ZSCAN2: variants seen among roughly 807,000 people sequenced by gnomAD.
ZSCAN2 encodes the protein zinc finger and SCAN domain containing 2.
A neutral mutation model predicts 47.8 loss-of-function variants in ZSCAN2; 26 were observed. The observed-to-expected ratio is 0.54, with a 90% confidence interval of 0.40 to 0.75. ZSCAN2 has a LOEUF of 0.75. Ranked by LOEUF, ZSCAN2 falls within the 30% of genes least tolerant of loss-of-function variation. The pLI, the probability that ZSCAN2 is intolerant of heterozygous loss-of-function variation, is 0.00. For missense variants in ZSCAN2, 732 were observed against 785.4 expected (o/e 0.93, Z 0.81); for synonymous variants, 305 against 288.7 (o/e 1.06, Z -0.57).
chr15:84,622,732 C>A lies in ZSCAN2; in HGVS notation c.*692C>A, dbSNP rs1164849547. 8.4e-6 allele frequency: 6 copies of A among 715,320 alleles called. No individual in the cohort carries two copies. Among genetic ancestry groups the A allele is most frequent in the Non-Finnish European group, 1.6e-5 (6 of 384,364 alleles). The allele number at this position is 715,320 out of a possible 1,614,324, so 44.3% of individuals were successfully genotyped here. A position where few individuals can be genotyped will look rare whatever the true frequency, so the allele number is the denominator to read the frequency against. ...TTCCATTGGTAAGAGTTGGACAGGG[C>A]CTTCAGGAAAGGGGTAAACCGAGGA... On this transcript the variant is annotated 3_prime_UTR_variant, in exon 3 of 3. Transcript: ENST00000546148.
Position 84,622,155 on chromosome 15 carries a change from G to C in ZSCAN2, c.*115G>C. The C allele has an allele frequency of 2.1e-6, 2 of 969,098 alleles. No individual in the cohort carries two copies. Among genetic ancestry groups the C allele is most frequent in the Non-Finnish European group, 3.1e-6 (2 of 640,942 alleles). 60.0% of individuals were successfully genotyped at this position (969,098 alleles called of 1,614,324 possible). On this transcript the variant is annotated 3_prime_UTR_variant, in exon 3 of 3. Coordinates refer to ENST00000546148, the MANE Select transcript of ZSCAN2 (RefSeq NM_181877.4). The stretch of plus-strand genomic sequence containing the variant: ...CTAAACATTCTGGGGGGTTTTGCCA[G>C]AGTCTTCCCCTTGCTCATCCTCATT...
Position 84,621,317 on chromosome 15 carries a change from C to T in ZSCAN2, c.1122C>T (p.Asn374=). The T allele has an allele frequency of 6.2e-7, 1 of 1,613,736 alleles. No individual in the cohort carries two copies. The highest frequency in any genetic ancestry group is 8.5e-7 in the Non-Finnish European group (1 of 1,179,952). Residue 374 remains asparagine (N), a synonymous_variant, in exon 3 of 3, where the codon AAC becomes AAT. Transcript: ENST00000546148. This position sits in a 1 kb window ranked among gnomAD's most constrained non-coding sequence, Gnocchi z 5.7. ...AATGCGGCGAAAGCTTTAGTTACAA[C>T]TCCAATCTAATCAGACACCAGAGAA... ...CKECGESFSY[N]SNLIRHQRIH... is the part of the protein sequence containing the mutation.
At chr15:84,610,727 T>C (rs1353645602) in intron 2 of ZSCAN2, among the ~76,000 whole-genome samples, 2 of 152,040 alleles carry the variant, frequency 1.3e-5, no homozygotes, top group Admixed American at 1.3e-4. Context: ...ACTCAGGCAA[T>C]TCGCCCGCCT....
Position 84,622,341 on chromosome 15 carries a change from G to A in ZSCAN2, c.*301G>A, listed in dbSNP as rs963472984. Reference sequence around the variant, plus strand: ...CCTCTGTGCCTCAGTTTCCTCTTTGGTAAAATGGGGGGAAATGTTTCTCCA... The same window carrying A: ...CCTCTGTGCCTCAGTTTCCTCTTTGATAAAATGGGGGGAAATGTTTCTCCA... On this transcript the variant is annotated 3_prime_UTR_variant, in exon 3 of 3. Coordinates refer to ENST00000546148, the MANE Select transcript of ZSCAN2 (RefSeq NM_181877.4). 1 of 573,316 alleles carries A rather than the reference G, an allele frequency of 1.7e-6. No individual in the cohort carries two copies. The highest frequency in any genetic ancestry group is 3.2e-6 in the Non-Finnish European group (1 of 317,290). 35.5% of individuals were successfully genotyped at this position (573,316 alleles called of 1,614,324 possible).
At chr15:84,608,300 C>T (rs1054278648) in intron 2 of ZSCAN2, among the ~76,000 whole-genome samples, 8 of 151,842 alleles carry the variant, frequency 5.3e-5, no homozygotes, top group Admixed American at 3.9e-4. Context: ...GAGGCCGAGG[C>T]GGGTGGATCA....
rs538463509 is a variant in ZSCAN2 at position 84,606,680 on chromosome 15, C to T, written c.406+2347C>T. On this transcript the variant is annotated intron_variant, in intron 2 of 2. Coordinates refer to ENST00000546148, the MANE Select transcript of ZSCAN2 (RefSeq NM_181877.4). ...GTTGGGGAGGCACAGAGCAGAGGTTCAGGTCTCAGCAGGTGTCAGAGGTGA... is the reference window on the plus strand; with the variant it reads ...GTTGGGGAGGCACAGAGCAGAGGTTTAGGTCTCAGCAGGTGTCAGAGGTGA... The T allele has an allele frequency of 1.3e-6, 2 of 1,547,876 alleles. 1 individual carries two copies. Among genetic ancestry groups the T allele is most frequent in the South Asian group, 2.4e-5 (2 of 81,860 alleles).
chr15:84,613,678 CTTTT>C (rs59871656), intron 2 of ZSCAN2, among the ~76,000 whole-genome samples: 7 of 146,690 alleles, frequency 4.8e-5, no homozygotes, highest in Admixed American at 6.8e-5. Context: ...AGTAATCTTT[CTTTT>C]TTTTTTTTTT....
intron 2 of ZSCAN2, among the ~76,000 whole-genome samples, chr15:84,620,352 A>G (rs1376620939): frequency 6.6e-6 from 1 of 152,092 alleles, no homozygotes; most frequent in East Asian, 1.9e-4. Context: ...ATTGATGGGC[A>G]TTTGGGTTGA....
Position 84,603,895 on chromosome 15 carries a change from C to A in ZSCAN2, c.-33C>A. 6.3e-7 allele frequency: 1 copy of A among 1,588,626 alleles called. No homozygotes were observed. On this transcript the variant is annotated 5_prime_UTR_variant, in exon 2 of 3. Coordinates refer to ENST00000546148, the MANE Select transcript of ZSCAN2 (RefSeq NM_181877.4). ...GGCTGGAGAAGACTGAGGTCCAAGG[C>A]TTGAAGCCTAAGTGATTGCCCCAGG... is the stretch of plus-strand genomic sequence containing the variant.
At chr15:84,616,436 C>T (rs1043176491) in intron 2 of ZSCAN2, 2 of 1,568,224 alleles carry the variant, frequency 1.3e-6, no homozygotes, top group Admixed American at 1.9e-5. Flanking sequence ...GATTTTCTGC[C>T]TGAGCTTTCT....
chr15:84,606,791 C>T, intron 2 of ZSCAN2: 4 of 1,319,770 alleles, frequency 3.0e-6, no homozygotes, highest in Non-Finnish European at 3.9e-6. Flanking sequence ...CAATGGGGAC[C>T]ATCCCAGACA....
chr15:84,616,135 G>T (rs922502082), intron 2 of ZSCAN2, among the ~76,000 whole-genome samples: 5 of 152,144 alleles, frequency 3.3e-5, no homozygotes, highest in Non-Finnish European at 7.3e-5. Flanking sequence ...TTGTCAGGAG[G>T]CTGAGGCAGG....
intron 2 of ZSCAN2, among the ~76,000 whole-genome samples, chr15:84,608,309 C>G (rs1258521605): frequency 2.0e-5 from 3 of 151,928 alleles, no homozygotes; most frequent in Non-Finnish European, 1.5e-5. Flanking sequence ...GCGGGTGGAT[C>G]ACTCGAGGCC....
intron 2 of ZSCAN2, among the ~76,000 whole-genome samples, chr15:84,613,082 A>G (rs1596032725): frequency 6.6e-6 from 1 of 152,332 alleles, no homozygotes; most frequent in East Asian, 1.9e-4. Flanking sequence ...TAGTTCTTCC[A>G]GCATCATTTA....
At chr15:84,603,748 C>G in intron 1 of ZSCAN2, 72 bp from the exon 2 acceptor site, 4 of 669,814 alleles carry the variant, frequency 6.0e-6, no homozygotes, top group Non-Finnish European at 9.7e-6. Flanking sequence ...GTGGTCTGAC[C>G]TGGGCTTTTG....
rs1210127255 is a variant in ZSCAN2, at chr15:84,622,021, T to C, written c.1826T>C (p.Met609Thr). ...SNFITHQRTHMKEKLY is the reference protein window; with the variant it reads ...SNFITHQRTHTKEKLY ...TTTATCACACATCAGAGAACTCACA[T>C]GAAAGAGAAACTTTATTGAAGTGGC... The change falls in exon 3 of 3, where the codon ATG (methionine) becomes ACG (threonine). Residue 609 changes from methionine (M) to threonine (T), a missense_variant. This residue lies in a region of ZSCAN2 where 412 missense variants were observed against 498.0 expected (regional missense o/e 0.83). Transcript: ENST00000546148. 3 of 1,604,636 alleles carry C rather than the reference T, an allele frequency of 1.9e-6. No homozygotes were observed. Among genetic ancestry groups the C allele is most frequent in the African/African-American group, 2.7e-5 (2 of 74,556 alleles).
chr15:84,614,608 G>T (rs1371304377), intron 2 of ZSCAN2: 1 of 152,178 alleles, frequency 6.6e-6, no homozygotes, highest in Admixed American at 6.5e-5. Flanking sequence ...ATACTTGAAG[G>T]ACAGTTTTGT....
At chr15:84,605,372 GC>G (rs1372558318) in intron 2 of ZSCAN2, among the ~76,000 whole-genome samples, 1 of 152,294 alleles carries the variant, frequency 6.6e-6, no homozygotes, top group Admixed American at 6.5e-5. Context: ...AGAGAAGGGA[GC>G]GTGGAGAGGA....
chr15:84,621,799 G>A lies in ZSCAN2; in HGVS notation c.1604G>A (p.Cys535Tyr). Residue 535 changes from cysteine (C) to tyrosine (Y), a missense_variant, in exon 3 of 3, where the codon TGC becomes TAC. By Grantham distance (194) the Cys-to-Tyr change is radical (BLOSUM62 -2). This residue lies in a region of ZSCAN2 where 412 missense variants were observed against 498.0 expected (regional missense o/e 0.83). Coordinates refer to ENST00000546148, the MANE Select transcript of ZSCAN2 (RefSeq NM_181877.4). This position sits in a 1 kb window ranked among gnomAD's most constrained non-coding sequence, Gnocchi z 5.7. ...TGEKPYKCLMCGKSFSRGSIL... is the reference protein window; with the variant it reads ...TGEKPYKCLMYGKSFSRGSIL... ...GAGAAGCCCTACAAATGCCTCATGT[G>A]CGGCAAGAGCTTCAGCCGGGGCTCC... The A allele has an allele frequency of 6.2e-7, 1 of 1,614,200 alleles. No homozygotes were observed. Among genetic ancestry groups the A allele is most frequent in the Non-Finnish European group, 8.5e-7 (1 of 1,180,044 alleles).
Sources: allele counts gnomAD v4.1 joint callset (sites outside exome capture counted in the v4.1 genomes callset), GRCh38; gene constraint gnomAD v4.1.1; regional missense constraint gnomAD v4.1.1; non-coding constraint Gnocchi (gnomAD v3.1); transcripts MANE v1.5; gene names NCBI Gene and HGNC (gene_info 2026-07-23, HGNC 2026-07-21).